Variants in MAP6 observed in about 807,000 individuals in gnomAD.
MAP6 encodes microtubule associated protein 6.
In MAP6, 26 loss-of-function variants were observed where a neutral mutation model predicts 42.4. The ratio of observed to expected loss-of-function variants is 0.61; its 90% CI spans 0.45 to 0.85. MAP6 has a LOEUF of 0.85. Among genes scored for constraint, MAP6 ranks in the 40% least tolerant of loss-of-function variants. The pLI is 0.00. For synonymous variants in MAP6, 418 were observed against 443.8 expected, an observed-to-expected ratio of 0.94 and a Z score of 0.73; for missense variants, 966 against 1,099.0, an observed-to-expected ratio of 0.88 and a Z score of 1.71.
intron 3 of MAP6, among the ~76,000 whole-genome samples, chr11:75,590,459 T>C (rs1449693783): frequency 6.6e-6 from 1 of 152,206 alleles, no homozygotes; most frequent in Non-Finnish European, 1.5e-5. Context: ...GTACATTTCC[T>C]TGGATATCTA....
chr11:75,636,822 C>A (rs1231463107), intron 1 of MAP6, among the ~76,000 whole-genome samples: 1 of 152,166 alleles, frequency 6.6e-6, no homozygotes, highest in Non-Finnish European at 1.5e-5. Flanking sequence ...CACAAAGAAG[C>A]CTTTCATCCA....
intron 1 of MAP6, among the ~76,000 whole-genome samples, chr11:75,661,970 C>T (rs1216866697): frequency 6.6e-6 from 1 of 151,920 alleles, no homozygotes; most frequent in Non-Finnish European, 1.5e-5. Flanking sequence ...TTCCTGAATA[C>T]AAGATTAACA....
chr11:75,658,699 C>T (rs560403861), intron 1 of MAP6, among the ~76,000 whole-genome samples: 1 of 152,250 alleles, frequency 6.6e-6, no homozygotes, highest in South Asian at 2.1e-4. Flanking sequence ...CCCCAGCCTA[C>T]CTCCCTCTTC....
chr11:75,636,825 T>C (rs895085830), intron 1 of MAP6, among the ~76,000 whole-genome samples: 3 of 152,160 alleles, frequency 2.0e-5, no homozygotes, highest in Non-Finnish European at 4.4e-5. Context: ...AAAGAAGCCT[T>C]TCATCCATAT....
rs144708428 is a variant in MAP6 at position 75,592,313 on chromosome 11, C to T, written c.1317-4129G>A. Among the ~76,000 whole-genome samples the T allele has an allele frequency of 1.1e-4, 16 of 152,348 alleles. No individual in the cohort carries two copies. The East Asian group carries it at 3.1e-3, about 29-fold the overall frequency. ...GCTCCCCCTGCTAGACAGAGAGCTC[C>T]CTGAAGACAGGGGCCAACCTCCTTG... On this transcript the variant is annotated intron_variant, in intron 3 of 3. Transcript: ENST00000304771.
intron 1 of MAP6, among the ~76,000 whole-genome samples, chr11:75,626,024 C>T (rs1223933375): frequency 6.6e-6 from 1 of 152,200 alleles, no homozygotes; most frequent in African/African-American, 2.4e-5. Flanking sequence ...TCCCAGGCCC[C>T]ATGCTCTTTG....
chr11:75,601,651 C>A (rs773211971), intron 3 of MAP6, among the ~76,000 whole-genome samples: 2 of 152,058 alleles, frequency 1.3e-5, no homozygotes, highest in Admixed American at 6.6e-5. Context: ...GACAAGGGAG[C>A]ATGCAGGGTG....
intron 3 of MAP6, among the ~76,000 whole-genome samples, chr11:75,593,031 G>T (rs775798058): frequency 1.6e-4 from 25 of 152,204 alleles, no homozygotes; most frequent in Admixed American, 1.3e-4. Flanking sequence ...GCCCTGGGAA[G>T]GCTTCCCTGA....
intron 3 of MAP6, among the ~76,000 whole-genome samples, chr11:75,590,263 C>G (rs775293728): frequency 6.6e-6 from 1 of 152,116 alleles, no homozygotes; most frequent in East Asian, 1.9e-4. Context: ...GATTGTGAAG[C>G]GACCTGGGTG....
intron 1 of MAP6, among the ~76,000 whole-genome samples, chr11:75,618,802 C>T (rs539268550): frequency 1.4e-4 from 21 of 152,252 alleles, no homozygotes; most frequent in Admixed American, 1.2e-3. Flanking sequence ...CTGGTAGAGC[C>T]GACAGGTGCT....
intron 3 of MAP6, among the ~76,000 whole-genome samples, chr11:75,592,869 T>C (rs1942505734): frequency 6.6e-6 from 1 of 152,264 alleles, no homozygotes; most frequent in African/African-American, 2.4e-5. Flanking sequence ...CCTGGCTTTC[T>C]GTGCCCAGCA....
rs1303553711 is a variant in MAP6, at chr11:75,615,569, A to C, written c.906-7247T>G. Reference sequence around the variant, plus strand: ...CCACAGACCTTGTTGTCAGGTGGGGAGAGATCAACAATTACACAGATAATC... The same window carrying C: ...CCACAGACCTTGTTGTCAGGTGGGGCGAGATCAACAATTACACAGATAATC... On this transcript the variant is annotated intron_variant, in intron 1 of 3. Transcript: ENST00000304771. 2.6e-5 allele frequency among the ~76,000 whole-genome samples: 4 copies of C among 152,006 alleles called. No individual in the cohort carries two copies. In the East Asian group the frequency reaches 7.8e-4, roughly 29 times the overall value.
chr11:75,660,007 A>G (rs576604879), intron 1 of MAP6, among the ~76,000 whole-genome samples: 1 of 152,356 alleles, frequency 6.6e-6, no homozygotes, highest in South Asian at 2.1e-4. Context: ...AAAGTTAACC[A>G]ATGATCTAAC....
intron 1 of MAP6, among the ~76,000 whole-genome samples, chr11:75,665,920 T>C (rs1943938618): frequency 6.6e-6 from 1 of 152,016 alleles, no homozygotes; most frequent in South Asian, 2.1e-4. Context: ...AGATGAGAAA[T>C]GCAGGGGTAG....
At chr11:75,651,581 T>C (rs1943646973) in intron 1 of MAP6, among the ~76,000 whole-genome samples, 2 of 152,216 alleles carry the variant, frequency 1.3e-5, no homozygotes, top group South Asian at 4.1e-4. Flanking sequence ...AAAATGGTCA[T>C]AGTAGCCAGA....
rs538148689 is a variant in MAP6, at chr11:75,635,297, A to T, written c.906-26975T>A. On this transcript the variant is annotated intron_variant, in intron 1 of 3. Transcript: ENST00000304771. Reference sequence around the variant, plus strand: ...ACAGGACAGAACGTGTCTGAGCCTCATTTTATTAAAGTGAAAAGGGAAAAA... The same window carrying T: ...ACAGGACAGAACGTGTCTGAGCCTCTTTTTATTAAAGTGAAAAGGGAAAAA... 4.6e-5 allele frequency among the ~76,000 whole-genome samples: 7 copies of T among 152,284 alleles called. No individual in the cohort carries two copies. The East Asian group carries it at 1.2e-3, about 25-fold the overall frequency.
At chr11:75,646,266 T>C (rs1157361151) in intron 1 of MAP6, among the ~76,000 whole-genome samples, 2 of 152,056 alleles carry the variant, frequency 1.3e-5, no homozygotes, top group Non-Finnish European at 2.9e-5. Context: ...TTATTGTCTT[T>C]CTAGAATTCT....
chr11:75,605,912 T>C lies in MAP6; in HGVS notation c.1212A>G (p.Ser404=). The change falls in exon 3 of 4, where the codon TCA becomes TCG. Residue 404 remains serine (S), a synonymous_variant. Transcript: ENST00000304771. ...TRKAKDKQAV[S]GQAAKKKSAE... is the part of the protein sequence containing the mutation. ...CGCTCTTTTTCTTGGCAGCCTGGCCTGACACCGCCTGCTTGTCTTTGGCCT... is the reference window on the plus strand; with the variant it reads ...CGCTCTTTTTCTTGGCAGCCTGGCCCGACACCGCCTGCTTGTCTTTGGCCT... 6.2e-7 allele frequency: 1 copy of C among 1,614,186 alleles called. No homozygotes were observed. The highest frequency in any genetic ancestry group is 8.5e-7 in the Non-Finnish European group (1 of 1,180,036).
chr11:75,626,270 G>T (rs1008776235), intron 1 of MAP6, among the ~76,000 whole-genome samples: 1 of 152,192 alleles, frequency 6.6e-6, no homozygotes, highest in Non-Finnish European at 1.5e-5. Flanking sequence ...GAATCATGGA[G>T]TAGCAGAGCT....
Sources: allele counts gnomAD v4.1 joint callset (sites outside exome capture counted in the v4.1 genomes callset), GRCh38; gene constraint gnomAD v4.1.1; transcripts MANE v1.5; gene names NCBI Gene and HGNC (gene_info 2026-07-23, HGNC 2026-07-21).